The following PCBP3 variants were observed in gnomAD, a reference collection of about 807,000 sequenced individuals.
PCBP3 encodes poly(rC)-binding protein 3.
In PCBP3, 25 loss-of-function variants were observed where a neutral mutation model predicts 52.7. The ratio of observed to expected loss-of-function variants is 0.47; its 90% CI spans 0.35 to 0.66. The LOEUF (loss-of-function observed/expected upper bound fraction) is 0.66. Among genes scored for constraint, PCBP3 ranks in the 30% least tolerant of loss-of-function variants. PCBP3 has a pLI of 0.01. For synonymous variants in PCBP3, 162 were observed against 183.0 expected (o/e 0.89, Z 0.93); for missense variants, 391 against 490.3 (o/e 0.80, Z 1.91).
At chr21:45,675,439 T>C (rs2838977) in intron 2 of PCBP3, among the ~76,000 whole-genome samples, 57,251 of 152,032 alleles carry the variant, frequency 0.38, 11,588 homozygotes, top group Non-Finnish European at 0.46. Flanking sequence ...AAGAACCAGA[T>C]TGGACTATGA....
At chr21:45,689,705 A>G (rs1311301085) in intron 2 of PCBP3, among the ~76,000 whole-genome samples, 3 of 152,168 alleles carry the variant, frequency 2.0e-5, no homozygotes, top group African/African-American at 7.2e-5. Flanking sequence ...AGTTCAATAT[A>G]TAAAGCAAAC....
At chr21:45,774,268 G>T (rs1438494003) in intron 4 of PCBP3, among the ~76,000 whole-genome samples, 1 of 151,770 alleles carries the variant, frequency 6.6e-6, no homozygotes, top group Non-Finnish European at 1.5e-5. Flanking sequence ...TTAGCTGGGC[G>T]TGGTGGTGCG....
At chr21:45,693,430 G>A (rs563718166) in intron 2 of PCBP3, among the ~76,000 whole-genome samples, 3 of 152,276 alleles carry the variant, frequency 2.0e-5, no homozygotes, top group Non-Finnish European at 4.4e-5. Context: ...CAGAGGCAGT[G>A]GAGGGAATAG....
chr21:45,902,789 A>G (rs886825167), intron 9 of PCBP3, among the ~76,000 whole-genome samples: 2 of 152,256 alleles, frequency 1.3e-5, no homozygotes, highest in African/African-American at 4.8e-5. Context: ...AGACGCCAGC[A>G]TGGCTGGCCA....
chr21:45,678,396 G>A (rs984196830), intron 2 of PCBP3, among the ~76,000 whole-genome samples: 1 of 152,012 alleles, frequency 6.6e-6, no homozygotes, highest in Admixed American at 6.5e-5. Context: ...GATGGATCTG[G>A]GCAAAGTAAA....
At chr21:45,803,081 AG>A (rs1422448618) in intron 4 of PCBP3, among the ~76,000 whole-genome samples, 1 of 152,240 alleles carries the variant, frequency 6.6e-6, no homozygotes, top group Non-Finnish European at 1.5e-5. Flanking sequence ...GTTGGAAGTC[AG>A]TCACAAAGCA....
intron 4 of PCBP3, among the ~76,000 whole-genome samples, chr21:45,823,870 T>C (rs2093225494): frequency 6.6e-6 from 1 of 151,996 alleles, no homozygotes. Context: ...GCCTCCTGAG[T>C]AGCTGGGATT....
At chr21:45,897,790 G>GGGCTGCTGTGGGTCCCC (rs2095869813) in intron 6 of PCBP3, among the ~76,000 whole-genome samples, 1 of 152,056 alleles carries the variant, frequency 6.6e-6, no homozygotes, top group Non-Finnish European at 1.5e-5. Context: ...TGTGGGTCCC[G>GGGCTGCTGTGGGTCCCC]AGCTGCTGTG....
intron 4 of PCBP3, among the ~76,000 whole-genome samples, chr21:45,818,410 CCT>C (rs1042379126): frequency 6.6e-6 from 1 of 152,128 alleles, no homozygotes; most frequent in Admixed American, 6.5e-5. Context: ...GACACGTGTC[CCT>C]GTCATTACTG....
chr21:45,859,680 G>A (rs972844637), intron 5 of PCBP3: 1 of 152,374 alleles, frequency 6.6e-6, no homozygotes, highest in African/African-American at 2.4e-5. Flanking sequence ...CTCCACACTC[G>A]GCTGGGCACC....
chr21:45,879,443 G>A (rs1287797331), intron 5 of PCBP3, among the ~76,000 whole-genome samples: 1 of 152,200 alleles, frequency 6.6e-6, no homozygotes, highest in African/African-American at 2.4e-5. Flanking sequence ...CATGCCGAGT[G>A]ATAGAAAAAG....
In PCBP3 at chr21:45,669,803, GTGTATA is replaced by G. The variant is rs1166526847; in HGVS notation, c.-200+853_-200+858del. Among the ~76,000 whole-genome samples, 305 of 54,276 alleles carry G rather than the reference GTGTATA, an allele frequency of 5.6e-3. 1 individual carries two copies. Among genetic ancestry groups the G allele is most frequent in the East Asian group, 9.5e-3 (17 of 1,786 alleles). The allele number at this position is 54,276 out of a possible 152,430, so 35.6% of individuals were successfully genotyped here. On this transcript the variant is annotated intron_variant, in intron 2 of 17. Transcript: ENST00000681687. ...AATATTCCATTGTGTGTGTGTGTGT[GTGTATA>G]TATATATATATATATATATATATAT...
chr21:45,823,314 C>T (rs1024631775), intron 4 of PCBP3, among the ~76,000 whole-genome samples: 9 of 152,190 alleles, frequency 5.9e-5, no homozygotes, highest in Non-Finnish European at 8.8e-5. Flanking sequence ...TTCAGAGTTT[C>T]AGAAAACGTC....
At chr21:45,849,833 T>G (rs2093925597) in intron 4 of PCBP3, 128 bp from the exon 5 acceptor site, 3 of 527,594 alleles carry the variant, frequency 5.7e-6, no homozygotes, top group Non-Finnish European at 1.0e-5. Context: ...ACACTGTGCC[T>G]TGTACTCGAA....
chr21:45,745,643 C>A (rs2086774173), intron 3 of PCBP3, among the ~76,000 whole-genome samples: 2 of 152,244 alleles, frequency 1.3e-5, no homozygotes, highest in Admixed American at 6.5e-5. Context: ...TGCCAGGTGA[C>A]CCTCTCTGCA....
chr21:45,860,813 C>T (rs2094480479), intron 5 of PCBP3, among the ~76,000 whole-genome samples: 1 of 152,208 alleles, frequency 6.6e-6, no homozygotes, highest in Non-Finnish European at 1.5e-5. Flanking sequence ...TGAGCGTGGC[C>T]CTGGGAGCAG....
chr21:45,910,955 G>T lies in PCBP3; in HGVS notation c.525G>T (p.Glu175Asp). 1 of 1,612,116 alleles carries T rather than the reference G, an allele frequency of 6.2e-7. No individual in the cohort carries two copies. The change falls in exon 11 of 18, where the codon GAG (glutamate) becomes GAT (aspartate). Residue 175 changes from glutamate to aspartate, a missense_variant. Coordinates refer to ENST00000681687, the MANE Select transcript of PCBP3 (RefSeq NM_001384156.1). ...VAGDMLPNST[E>D]RAVTISGTPD... Reference sequence around the variant, plus strand: ...GGGACATGCTGCCCAACTCCACGGAGCGAGCGGTGACCATCTCGGGGACCC... The same window carrying T: ...GGGACATGCTGCCCAACTCCACGGATCGAGCGGTGACCATCTCGGGGACCC...
chr21:45,833,087 G>A (rs1414313534), intron 4 of PCBP3, among the ~76,000 whole-genome samples: 1 of 152,186 alleles, frequency 6.6e-6, no homozygotes, highest in Non-Finnish European at 1.5e-5. Context: ...AGCAGCCAGC[G>A]AGGCTCTCTG....
intron 4 of PCBP3, among the ~76,000 whole-genome samples, chr21:45,812,116 C>T (rs529745241): frequency 1.3e-5 from 2 of 152,298 alleles, no homozygotes; most frequent in Admixed American, 6.5e-5. Context: ...CAACAATATA[C>T]TTCCATTTAA....
Sources: gnomAD v4.1 joint callset for allele counts (sites outside exome capture counted in the v4.1 genomes callset) on GRCh38, gnomAD v4.1.1 for gene constraint, MANE v1.5 for transcripts, NCBI Gene and HGNC (gene_info 2026-07-23, HGNC 2026-07-21) for gene names.